Variants in GRIK1 observed in about 807,000 individuals in gnomAD.
GRIK1 encodes the protein glutamate ionotropic receptor kainate type subunit 1, also known as glutamate receptor ionotropic, kainate 1.
GRIK1 carries 69 observed loss-of-function variants against 105.7 expected under a neutral mutation model. That is an observed-to-expected ratio of 0.65 (90% CI 0.54 to 0.80). The LOEUF is 0.80. GRIK1 is among the 30% of genes least tolerant of loss of function. The probability of loss-of-function intolerance (pLI) is 0.00; values close to 1 mark genes in which losing one functional copy is unlikely to be tolerated. For missense variants in GRIK1, 1,109 were observed against 1,167.3 expected, an observed-to-expected ratio of 0.95 and a Z score of 0.73; for synonymous variants, 438 against 431.3, an observed-to-expected ratio of 1.02 and a Z score of -0.19.
At position 29,589,007 on chromosome 21, in the gene GRIK1, C is replaced by T. The variant is rs2061290617; in HGVS notation, c.1401G>A (p.Lys467=). 3 of 1,602,160 alleles carry T rather than the reference C, an allele frequency of 1.9e-6. No individual in the cohort carries two copies. Among genetic ancestry groups the T allele is most frequent in the South Asian group, 1.1e-5 (1 of 90,782 alleles). ...CAAATCTGTCATTTCCATATAGAGG[C>T]TTATCAGATTTCCTGTACATAACAT... The part of the protein sequence containing the change: ...EPYVMYRKSD[K]PLYGNDRFEG... The change falls in exon 11 of 18, where the codon AAG becomes AAA. Residue 467 remains lysine, a synonymous_variant. Transcript: ENST00000327783.
Position 29,930,794 on chromosome 21 carries a change from C to A in GRIK1, c.118+8589G>T, listed in dbSNP as rs115339839. 9.2e-4 allele frequency among the ~76,000 whole-genome samples: 140 copies of A among 152,282 alleles called. 2 individuals carry two copies. The highest frequency in any genetic ancestry group is 3.2e-3 in the African/African-American group (132 of 41,566). ...AGCAACTGTTATATAAAGCTTATTT[C>A]TTCAATGATTTTTTCAACATTAAAT... On this transcript the variant is annotated intron_variant, in intron 1 of 17. Coordinates refer to ENST00000327783, the MANE Select transcript of GRIK1 (RefSeq NM_001330994.2).
chr21:29,742,185 T>C (rs957782571), intron 1 of GRIK1, among the ~76,000 whole-genome samples: 1 of 152,216 alleles, frequency 6.6e-6, no homozygotes, highest in Non-Finnish European at 1.5e-5. Context: ...CATGCAAACA[T>C]GATTGAGTTC....
At chr21:29,886,665 T>G (rs1181161704) in intron 1 of GRIK1, among the ~76,000 whole-genome samples, 1 of 152,212 alleles carries the variant, frequency 6.6e-6, no homozygotes, top group Admixed American at 6.6e-5. Context: ...TTTTTGGCTT[T>G]TCTTTTCCTA....
rs564918781 is a variant in GRIK1, at chr21:29,682,381, G to A, written c.544+7347C>T. 5.3e-5 allele frequency among the ~76,000 whole-genome samples: 8 copies of A among 152,252 alleles called. No individual in the cohort carries two copies. In the South Asian group the frequency reaches 6.2e-4, roughly 12 times the overall value. Reference sequence around the variant, plus strand: ...TATTTATAATGAAGTAAGGGCTGGCGTCGTTGTGAATTTTGGGAGGCGGGC... The same window carrying A: ...TATTTATAATGAAGTAAGGGCTGGCATCGTTGTGAATTTTGGGAGGCGGGC... On this transcript the variant is annotated intron_variant, in intron 3 of 17. Coordinates refer to ENST00000327783, the MANE Select transcript of GRIK1 (RefSeq NM_001330994.2).
At chr21:29,631,009 T>C (rs868370264) in intron 7 of GRIK1, among the ~76,000 whole-genome samples, 1 of 152,094 alleles carries the variant, frequency 6.6e-6, no homozygotes, top group African/African-American at 2.4e-5. Context: ...GGTTTCACCA[T>C]GTTGCTCAGG....
intron 1 of GRIK1, among the ~76,000 whole-genome samples, chr21:29,696,249 T>C (rs1381675786): frequency 6.6e-6 from 1 of 152,202 alleles, no homozygotes; most frequent in Non-Finnish European, 1.5e-5. Context: ...GAAATCATAG[T>C]TGAAAATTGT....
intron 1 of GRIK1, among the ~76,000 whole-genome samples, chr21:29,853,874 G>A (rs148252420): frequency 9.2e-5 from 14 of 152,202 alleles, no homozygotes; most frequent in African/African-American, 2.9e-4. Flanking sequence ...TAAGTTTAAG[G>A]CAAAAATTAG....
At chr21:29,836,766 C>A (rs1254250657) in intron 1 of GRIK1, among the ~76,000 whole-genome samples, 3 of 152,102 alleles carry the variant, frequency 2.0e-5, no homozygotes, top group African/African-American at 4.8e-5. Flanking sequence ...CGTGTCCATA[C>A]CTTTCTTAAT....
At chr21:29,575,482 GAA>G (rs1188730765) in intron 14 of GRIK1, among the ~76,000 whole-genome samples, 1 of 151,544 alleles carries the variant, frequency 6.6e-6, no homozygotes, top group African/African-American at 2.4e-5. Context: ...AATGAAAGAA[GAA>G]AAAGAGTTCA....
intron 1 of GRIK1, among the ~76,000 whole-genome samples, chr21:29,876,656 T>C (rs1002477756): frequency 6.6e-6 from 1 of 152,226 alleles, no homozygotes; most frequent in African/African-American, 2.4e-5. Context: ...CACGTAGTTA[T>C]GCTTTTAGGC....
chr21:29,806,264 T>C (rs906517966), intron 1 of GRIK1, among the ~76,000 whole-genome samples: 50 of 152,152 alleles, frequency 3.3e-4, no homozygotes, highest in African/African-American at 9.9e-4. Flanking sequence ...AGATTGACTT[T>C]CTTGGTGTAA....
intron 2 of GRIK1, among the ~76,000 whole-genome samples, chr21:29,691,532 A>G (rs972549626): frequency 6.6e-6 from 1 of 152,218 alleles, no homozygotes; most frequent in African/African-American, 2.4e-5. Context: ...CCTTCCGGAA[A>G]GGTTGGGGCA....
intron 1 of GRIK1, among the ~76,000 whole-genome samples, chr21:29,851,683 C>T (rs2068309198): frequency 6.6e-6 from 1 of 152,192 alleles, no homozygotes; most frequent in Non-Finnish European, 1.5e-5. Context: ...GATTCATGTA[C>T]AGCACCTATT....
chr21:29,613,054 C>T (rs2061765427), intron 7 of GRIK1, among the ~76,000 whole-genome samples: 2 of 152,148 alleles, frequency 1.3e-5, no homozygotes, highest in African/African-American at 4.8e-5. Context: ...TTAACTTCCT[C>T]AAGCTTCATT....
chr21:29,694,561 T>C (rs865938718), intron 1 of GRIK1, among the ~76,000 whole-genome samples: 2 of 152,196 alleles, frequency 1.3e-5, no homozygotes, highest in South Asian at 4.1e-4. Flanking sequence ...TAACTGCATA[T>C]GTATGCTTAA....
intron 1 of GRIK1, among the ~76,000 whole-genome samples, chr21:29,716,629 A>G (rs1167011387): frequency 6.6e-6 from 1 of 152,186 alleles, no homozygotes; most frequent in Non-Finnish European, 1.5e-5. Flanking sequence ...CTCCTGCCCT[A>G]GAGATCTATG....
At chr21:29,565,821 C>T (rs902615912) in intron 14 of GRIK1, among the ~76,000 whole-genome samples, 1 of 152,262 alleles carries the variant, frequency 6.6e-6, no homozygotes, top group East Asian at 1.9e-4. Context: ...TCAACCACCA[C>T]GTTCTACTCT....
chr21:29,625,761 C>T (rs969692229), intron 7 of GRIK1, among the ~76,000 whole-genome samples: 2 of 152,134 alleles, frequency 1.3e-5, no homozygotes, highest in South Asian at 4.1e-4. Context: ...TAGTACAATT[C>T]CTGCCAGCAC....
At chr21:29,785,156 T>C (rs1424564850) in intron 1 of GRIK1, among the ~76,000 whole-genome samples, 1 of 152,178 alleles carries the variant, frequency 6.6e-6, no homozygotes, top group Non-Finnish European at 1.5e-5. Context: ...TCACAAAAAA[T>C]CAGAAGTATC....
Sources: gnomAD v4.1 joint callset for allele counts (sites outside exome capture counted in the v4.1 genomes callset) on GRCh38, gnomAD v4.1.1 for gene constraint, MANE v1.5 for transcripts, NCBI Gene and HGNC (gene_info 2026-07-23, HGNC 2026-07-21) for gene names.